Variants in BACH2 observed in about 807,000 individuals in gnomAD.
The protein encoded by BACH2 is BACH transcriptional regulator 2.
In BACH2, 5 loss-of-function variants were observed where a neutral mutation model predicts 61.8. The ratio of observed to expected loss-of-function variants is 0.08; its 90% CI spans 0.04 to 0.17. BACH2 has a LOEUF of 0.17. Among genes scored for constraint, BACH2 ranks in the 10% least tolerant of loss-of-function variants. BACH2 has a pLI of 1.00. For missense variants in BACH2, 824 were observed against 1,091.1 expected, an observed-to-expected ratio of 0.76 and a Z score of 3.45; for synonymous variants, 446 against 440.1, an observed-to-expected ratio of 1.01 and a Z score of -0.17.
intron 4 of BACH2, among the ~76,000 whole-genome samples, chr6:90,092,716 C>T (rs1554244440): frequency 6.6e-6 from 1 of 151,876 alleles, no homozygotes; most frequent in South Asian, 2.1e-4. Context: ...GAAGATGTAA[C>T]AAAAAAAGTA....
At chr6:90,092,291 A>AAAAAAAAAAAATATATAT in intron 4 of BACH2, among the ~76,000 whole-genome samples, 3 of 113,838 alleles carry the variant, frequency 2.6e-5, no homozygotes, top group African/African-American at 7.2e-5. Flanking sequence ...AAAAAAAAAA[A>AAAAAAAAAAAATATATAT]ATATATATAT....
chr6:90,274,524 C>T (rs1191538099), intron 1 of BACH2, among the ~76,000 whole-genome samples: 3 of 152,122 alleles, frequency 2.0e-5, no homozygotes, highest in East Asian at 3.8e-4. Context: ...GGTTACAGGG[C>T]GCACAAGACA....
intron 2 of BACH2, among the ~76,000 whole-genome samples, chr6:90,255,754 T>C (rs955841303): frequency 1.3e-5 from 2 of 152,092 alleles, no homozygotes; most frequent in African/African-American, 2.4e-5. Flanking sequence ...AGATAAATGG[T>C]TCATCTGAAC....
chr6:90,181,897 T>C (rs1348450000), intron 4 of BACH2, among the ~76,000 whole-genome samples: 1 of 151,974 alleles, frequency 6.6e-6, no homozygotes, highest in Non-Finnish European at 1.5e-5. Flanking sequence ...CCTAGGTCTC[T>C]CTGACTCTGC....
Position 90,070,315 on chromosome 6 carries a change from G to A in BACH2, c.-13+18646C>T, listed in dbSNP as rs140285175. Among the ~76,000 whole-genome samples, 192 of 152,292 alleles carry A rather than the reference G, an allele frequency of 1.3e-3. 2 individuals are homozygous for A. In the Middle Eastern group the frequency reaches 0.024, roughly 19 times the overall value. On this transcript the variant is annotated intron_variant, in intron 5 of 8. Coordinates refer to ENST00000257749, the MANE Select transcript of BACH2 (RefSeq NM_021813.4). ...AATGCAGGCTTTGAGGGAGCCACTC[G>A]CACAGCTAGCAAGAGACCAGGAAGC...
At chr6:89,968,442 G>C (rs904761567) in intron 6 of BACH2, among the ~76,000 whole-genome samples, 4 of 152,218 alleles carry the variant, frequency 2.6e-5, no homozygotes, top group Non-Finnish European at 5.9e-5. Context: ...GCATTGTGAT[G>C]AAAGTGTATT....
At chr6:90,081,200 A>C (rs1255738688) in intron 5 of BACH2, among the ~76,000 whole-genome samples, 1 of 152,186 alleles carries the variant, frequency 6.6e-6, no homozygotes, top group Non-Finnish European at 1.5e-5. Context: ...CTGGCTGTTC[A>C]TCTAATGGGA....
At chr6:90,207,111 T>TTTTTTG (rs552794904) in intron 3 of BACH2, among the ~76,000 whole-genome samples, 15 of 152,182 alleles carry the variant, frequency 9.9e-5, no homozygotes, top group African/African-American at 3.4e-4. Context: ...CTTCTTTGTC[T>TTTTTTG]TTTTTGTTTT....
At chr6:90,086,094 T>G (rs1781921846) in intron 5 of BACH2, among the ~76,000 whole-genome samples, 1 of 152,236 alleles carries the variant, frequency 6.6e-6, no homozygotes, top group African/African-American at 2.4e-5. Flanking sequence ...TTTGCCTTTT[T>G]GTGTCTGGAT....
intron 4 of BACH2, among the ~76,000 whole-genome samples, chr6:90,106,284 A>T (rs1380632609): frequency 6.6e-6 from 1 of 152,188 alleles, no homozygotes; most frequent in East Asian, 1.9e-4. Flanking sequence ...GCAAACTTAC[A>T]CTTTCCATGA....
At chr6:90,191,693 C>G (rs780474182) in intron 4 of BACH2, among the ~76,000 whole-genome samples, 2 of 152,148 alleles carry the variant, frequency 1.3e-5, no homozygotes, top group Non-Finnish European at 2.9e-5. Flanking sequence ...ATAATACCAA[C>G]TACTGTGCAA....
chr6:89,974,659 C>T (rs1442223378), intron 6 of BACH2, among the ~76,000 whole-genome samples: 1 of 152,192 alleles, frequency 6.6e-6, no homozygotes, highest in Non-Finnish European at 1.5e-5. Flanking sequence ...GTCCCATTAG[C>T]ACCTTCTGGC....
intron 3 of BACH2, among the ~76,000 whole-genome samples, chr6:90,249,919 T>C (rs1770752992): frequency 6.6e-6 from 1 of 152,206 alleles, no homozygotes; most frequent in Non-Finnish European, 1.5e-5. Flanking sequence ...AGACTGCCGT[T>C]TATTTAATAG....
Position 89,930,166 on chromosome 6 carries a change from A to AC in BACH2, c.*2241_*2242insG, listed in dbSNP as rs1772562376. On this transcript the variant is annotated 3_prime_UTR_variant, in exon 9 of 9. Coordinates refer to ENST00000257749, the MANE Select transcript of BACH2 (RefSeq NM_021813.4). The stretch of plus-strand genomic sequence containing the variant: ...ACACACACACACACACACACACACA[A>AC]ACAAGAAAAAACAAAAACCCAGAGG... 3 of 128,394 alleles carry AC rather than the reference A, an allele frequency of 2.3e-5. No homozygotes were observed. Among genetic ancestry groups the AC allele is most frequent in the African/African-American group, 9.1e-5 (3 of 32,980 alleles). The allele number at this position is 128,394 out of a possible 1,614,324, so 8.0% of individuals were successfully genotyped here.
At chr6:90,158,765 T>G (rs202079712) in intron 4 of BACH2, among the ~76,000 whole-genome samples, 229 of 136,856 alleles carry the variant, frequency 1.7e-3, no homozygotes, top group African/African-American at 2.8e-3. Flanking sequence ...CTTCTTTTGG[T>G]GGGGGGGGGG....
intron 4 of BACH2, among the ~76,000 whole-genome samples, chr6:90,149,119 A>T (rs1784723342): frequency 6.6e-6 from 1 of 152,210 alleles, no homozygotes; most frequent in African/African-American, 2.4e-5. Flanking sequence ...CGGATGTATG[A>T]TTTGAGAGTG....
rs995633982 is a variant in BACH2, at chr6:90,105,534, T to C, written c.-161-16425A>G. Reference sequence around the variant, plus strand: ...TACACGGCAAGTAAGGACCAAAACATAGGCAGGAAAATAAAAATACCAATG... The same window carrying C: ...TACACGGCAAGTAAGGACCAAAACACAGGCAGGAAAATAAAAATACCAATG... On this transcript the variant is annotated intron_variant, in intron 4 of 8. Transcript: ENST00000257749. Among the ~76,000 whole-genome samples, 7 of 152,142 alleles carry C rather than the reference T, an allele frequency of 4.6e-5. No individual in the cohort carries two copies. The South Asian group carries it at 8.3e-4, about 18-fold the overall frequency.
At chr6:89,996,117 G>A (rs1041808914) in intron 6 of BACH2, among the ~76,000 whole-genome samples, 7 of 152,090 alleles carry the variant, frequency 4.6e-5, no homozygotes, top group African/African-American at 1.7e-4. Flanking sequence ...TATACCTTTG[G>A]CTCTGTGATC....
intron 4 of BACH2, among the ~76,000 whole-genome samples, chr6:90,089,390 A>G (rs145948345): frequency 2.6e-5 from 4 of 151,912 alleles, no homozygotes; most frequent in Non-Finnish European, 5.9e-5. Flanking sequence ...ATCCAAATGC[A>G]GCCTAGGAGA....
Sources: allele counts gnomAD v4.1 joint callset (sites outside exome capture counted in the v4.1 genomes callset), GRCh38; gene constraint gnomAD v4.1.1; transcripts MANE v1.5; gene names NCBI Gene and HGNC (gene_info 2026-07-23, HGNC 2026-07-21).